PEAK1: variants seen among roughly 807,000 people sequenced by gnomAD.
PEAK1 encodes the protein inactive tyrosine-protein kinase PEAK1.
A neutral mutation model predicts 124.7 loss-of-function variants in PEAK1; 54 were observed. That is an observed-to-expected ratio of 0.43 (90% CI 0.35 to 0.54). The LOEUF (loss-of-function observed/expected upper bound fraction) is 0.54, where lower values mean the gene tolerates loss of function less well. PEAK1 is among the 20% of genes least tolerant of loss of function. The probability of loss-of-function intolerance (pLI) is 0.01; values close to 1 mark genes in which losing one functional copy is unlikely to be tolerated. For synonymous variants in PEAK1, 719 were observed against 760.0 expected (o/e 0.95, Z 0.89); for missense variants, 2,046 against 2,134.5 (o/e 0.96, Z 0.82).
intron 9 of PEAK1, among the ~76,000 whole-genome samples, chr15:77,127,247 C>G (rs2152731456): frequency 6.6e-6 from 1 of 152,312 alleles, no homozygotes; most frequent in South Asian, 2.1e-4. Context: ...CAGCTAGAAC[C>G]TTGATCTTGG....
At chr15:77,174,723 A>C (rs1431801713) in intron 7 of PEAK1, among the ~76,000 whole-genome samples, 2 of 152,158 alleles carry the variant, frequency 1.3e-5, no homozygotes, top group African/African-American at 4.8e-5. Flanking sequence ...GCTACCAATG[A>C]CTTTCTTCAC....
intron 9 of PEAK1, among the ~76,000 whole-genome samples, chr15:77,132,390 A>G (rs1420769590): frequency 6.6e-6 from 1 of 151,336 alleles, no homozygotes; most frequent in African/African-American, 2.4e-5. Context: ...TGGCCAGGTT[A>G]CCTACTTTAA....
chr15:77,399,011 T>C (rs773882621), intron 1 of PEAK1, among the ~76,000 whole-genome samples: 20 of 151,862 alleles, frequency 1.3e-4, no homozygotes, highest in Non-Finnish European at 2.2e-4. Flanking sequence ...CCATTTACAA[T>C]AGCTACAAAT....
In PEAK1 at chr15:77,181,776, T is replaced by C. The variant is rs750447977; in HGVS notation, c.151A>G (p.Asn51Asp). 4 of 1,614,130 alleles carry C rather than the reference T, an allele frequency of 2.5e-6. No homozygotes were observed. Among genetic ancestry groups the C allele is most frequent in the Non-Finnish European group, 3.4e-6 (4 of 1,179,998 alleles). ...CCCGTGTTCCTGATGCGGTGGTTGT[T>C]ACTGTGATTGGCATTAGTTTTCACA... ...GNVKTNANHSNNHRIRNTGNF... is the reference protein window; with the variant it reads ...GNVKTNANHSDNHRIRNTGNF... Residue 51 changes from asparagine (N) to aspartate (D), a missense_variant, in exon 7 of 10, where the codon AAC becomes GAC. Physicochemically the swap from Asn to Asp is conservative, Grantham distance 23. Coordinates refer to ENST00000682557, the MANE Select transcript of PEAK1 (RefSeq NM_001385026.1).
At chr15:77,286,308 C>T (rs1597113409) in intron 3 of PEAK1, 115 bp downstream of exon 3, 3 of 489,560 alleles carry the variant, frequency 6.1e-6, no homozygotes, top group East Asian at 7.1e-5. Flanking sequence ...CTCCTCCATA[C>T]TACTATGGCA....
chr15:77,358,305 T>C (rs1441772155), intron 2 of PEAK1, among the ~76,000 whole-genome samples: 1 of 152,218 alleles, frequency 6.6e-6, no homozygotes, highest in African/African-American at 2.4e-5. Context: ...TCATTCCTTC[T>C]GTTCACAGTT....
chr15:77,366,077 T>C (rs546216032), intron 1 of PEAK1, among the ~76,000 whole-genome samples: 1 of 152,334 alleles, frequency 6.6e-6, no homozygotes, highest in South Asian at 2.1e-4. Flanking sequence ...GAAATTATAA[T>C]TGTTTTAAAA....
intron 6 of PEAK1, among the ~76,000 whole-genome samples, chr15:77,204,381 C>A (rs2058523290): frequency 6.6e-6 from 1 of 152,176 alleles, no homozygotes. Context: ...TACAATCCAG[C>A]AATCATACTT....
chr15:77,411,565 A>G (rs978143717), intron 1 of PEAK1, among the ~76,000 whole-genome samples: 4 of 152,208 alleles, frequency 2.6e-5, no homozygotes, highest in Admixed American at 6.5e-5. Context: ...ATTTGAGTTC[A>G]TAGTTTCTCA....
chr15:77,300,559 T>C (rs2063733595), intron 2 of PEAK1, among the ~76,000 whole-genome samples: 1 of 152,212 alleles, frequency 6.6e-6, no homozygotes, highest in Non-Finnish European at 1.5e-5. Flanking sequence ...GTTTCTCCAA[T>C]TACGAACATT....
chr15:77,196,607 G>C (rs76874624), intron 6 of PEAK1, among the ~76,000 whole-genome samples: 1 of 152,070 alleles, frequency 6.6e-6, no homozygotes, highest in African/African-American at 2.4e-5. Context: ...GAGAAAAAAG[G>C]GTGTTGTGAC....
At chr15:77,405,091 C>T (rs1261791867) in intron 1 of PEAK1, among the ~76,000 whole-genome samples, 1 of 151,848 alleles carries the variant, frequency 6.6e-6, no homozygotes, top group South Asian at 2.1e-4. Context: ...CTGCAACCTC[C>T]GCCTCCCGGG....
At chr15:77,107,946 C>G (rs982907043), downstream of PEAK1, 1 of 152,212 alleles carries the variant, frequency 6.6e-6, no homozygotes, top group Admixed American at 6.5e-5. Flanking sequence ...GCCTGATTTC[C>G]TCAGATTAGA....
At chr15:77,368,656 CAAG>C (rs1437715755) in intron 1 of PEAK1, among the ~76,000 whole-genome samples, 1 of 152,002 alleles carries the variant, frequency 6.6e-6, no homozygotes, top group Non-Finnish European at 1.5e-5. Context: ...AAGCAAAGAG[CAAG>C]AAGTGTTTGA....
At chr15:77,407,631 AG>A (rs2071941256) in intron 1 of PEAK1, among the ~76,000 whole-genome samples, 1 of 152,194 alleles carries the variant, frequency 6.6e-6, no homozygotes, top group Admixed American at 6.5e-5. Flanking sequence ...ATGTGGTGAA[AG>A]GGAACACTTT....
At chr15:77,412,121 C>T (rs1447908252) in intron 1 of PEAK1, among the ~76,000 whole-genome samples, 3 of 152,146 alleles carry the variant, frequency 2.0e-5, no homozygotes, top group Admixed American at 2.0e-4. Context: ...TGGAACTGCT[C>T]CTCCTTATCT....
At chr15:77,126,449 G>T (rs936143221) in intron 9 of PEAK1, among the ~76,000 whole-genome samples, 1 of 152,082 alleles carries the variant, frequency 6.6e-6, no homozygotes, top group Non-Finnish European at 1.5e-5. Context: ...TTACATCTCT[G>T]AAGTAAAGAG....
At chr15:77,141,376 G>C (rs1431794647) in intron 8 of PEAK1, among the ~76,000 whole-genome samples, 1 of 152,182 alleles carries the variant, frequency 6.6e-6, no homozygotes, top group South Asian at 2.1e-4. Context: ...ATAAAACATC[G>C]CTGAAAGAAA....
intron 2 of PEAK1, among the ~76,000 whole-genome samples, chr15:77,322,609 A>T (rs1386816364): frequency 6.6e-6 from 1 of 152,186 alleles, no homozygotes; most frequent in African/African-American, 2.4e-5. Flanking sequence ...TAGACCAATA[A>T]CAGGCTCTGA....
Sources: gnomAD v4.1 joint callset for allele counts (sites outside exome capture counted in the v4.1 genomes callset) on GRCh38, gnomAD v4.1.1 for gene constraint, MANE v1.5 for transcripts, NCBI Gene and HGNC (gene_info 2026-07-23, HGNC 2026-07-21) for gene names.